The following ZNF827 variants were observed in gnomAD, a reference collection of about 807,000 sequenced individuals.
The protein encoded by ZNF827 is zinc finger protein 827.
In ZNF827, 13 loss-of-function variants were observed where a neutral mutation model predicts 102.4. The observed-to-expected ratio is 0.13, with a 90% CI of 0.08 to 0.20. ZNF827 has a LOEUF of 0.20. Ranked by LOEUF, ZNF827 falls within the 10% of genes least tolerant of loss-of-function variation. ZNF827 has a pLI of 1.00. For synonymous variants in ZNF827, 523 were observed against 536.2 expected (o/e 0.98, Z 0.34); for missense variants, 1,103 against 1,344.4 (o/e 0.82, Z 2.81).
At chr4:145,829,929 C>CGGTT (rs1185342693) in intron 7 of ZNF827, among the ~76,000 whole-genome samples, 1 of 152,198 alleles carries the variant, frequency 6.6e-6, no homozygotes, top group African/African-American at 2.4e-5. Flanking sequence ...CCTTGAGAAA[C>CGGTT]CCTCCAGGAG....
At chr4:145,837,870 T>TAC (rs756965624) in intron 7 of ZNF827, among the ~76,000 whole-genome samples, 1 of 151,750 alleles carries the variant, frequency 6.6e-6, no homozygotes, top group African/African-American at 2.4e-5. Flanking sequence ...TATCACCCCT[T>TAC]ACAAGACCTC....
intron 1 of ZNF827, among the ~76,000 whole-genome samples, chr4:145,925,354 C>T (rs1351305923): frequency 6.6e-6 from 1 of 152,150 alleles, no homozygotes; most frequent in East Asian, 1.9e-4. Context: ...CTTGAGGATG[C>T]TTTATATGTC....
chr4:145,889,489 G>C (rs1399113846), intron 3 of ZNF827, among the ~76,000 whole-genome samples: 5 of 151,626 alleles, frequency 3.3e-5, no homozygotes, highest in Admixed American at 1.3e-4. Flanking sequence ...GTGGAACTGA[G>C]ATTCTAACTA....
intron 1 of ZNF827, among the ~76,000 whole-genome samples, chr4:145,911,976 A>C (rs1280998436): frequency 6.6e-6 from 1 of 152,234 alleles, no homozygotes; most frequent in Non-Finnish European, 1.5e-5. Context: ...TTCATTTTAC[A>C]GACCAAAAAA....
At chr4:145,937,549 C>A (rs1383936496) in intron 1 of ZNF827, among the ~76,000 whole-genome samples, 1 of 147,276 alleles carries the variant, frequency 6.8e-6, no homozygotes, top group African/African-American at 2.4e-5. Context: ...CCCGGCCTCG[C>A]CCCCCGCCCG....
intron 1 of ZNF827, among the ~76,000 whole-genome samples, chr4:145,914,066 C>CACAA (rs1752492266): frequency 1.3e-5 from 2 of 150,948 alleles, no homozygotes; most frequent in Admixed American, 1.3e-4. Context: ...TTTGTAGACA[C>CACAA]ACACACACAC....
chr4:145,809,303 A>C (rs901237823), intron 8 of ZNF827, among the ~76,000 whole-genome samples: 1 of 152,256 alleles, frequency 6.6e-6, no homozygotes, highest in African/African-American at 2.4e-5. Flanking sequence ...AGATGATGAC[A>C]GTGAGAGAAG....
chr4:145,935,704 C>T (rs1754111818), intron 1 of ZNF827, among the ~76,000 whole-genome samples: 1 of 152,066 alleles, frequency 6.6e-6, no homozygotes, highest in Non-Finnish European at 1.5e-5. Flanking sequence ...AATCAGACAG[C>T]AAAGTAGGAG....
At chr4:145,809,976 G>T (rs766355578) in intron 8 of ZNF827, among the ~76,000 whole-genome samples, 1 of 152,170 alleles carries the variant, frequency 6.6e-6, no homozygotes, top group Non-Finnish European at 1.5e-5. Context: ...AATTGGTTTT[G>T]TCTGTGCAGC....
chr4:145,935,580 G>C (rs981642360), intron 1 of ZNF827, among the ~76,000 whole-genome samples: 1 of 152,192 alleles, frequency 6.6e-6, no homozygotes, highest in East Asian at 1.9e-4. Flanking sequence ...TTTCAAAACT[G>C]CAGGGACTTT....
chr4:145,881,667 G>T (rs1012264691), intron 4 of ZNF827, among the ~76,000 whole-genome samples: 2 of 152,112 alleles, frequency 1.3e-5, no homozygotes, highest in Admixed American at 1.3e-4. Flanking sequence ...CTTTTTAACT[G>T]GAGAAACTCC....
intron 1 of ZNF827, among the ~76,000 whole-genome samples, chr4:145,910,512 A>T (rs1411618262): frequency 1.3e-5 from 2 of 152,104 alleles, no homozygotes; most frequent in Non-Finnish European, 2.9e-5. Flanking sequence ...CCTTCAACAG[A>T]GGTACCAAAT....
intron 6 of ZNF827, among the ~76,000 whole-genome samples, chr4:145,846,476 TCAAA>T (rs1213121592): frequency 1.9e-3 from 265 of 142,684 alleles, no homozygotes; most frequent in African/African-American, 6.3e-3. Flanking sequence ...AGACTCTGTC[TCAAA>T]CAAACAAACA....
intron 5 of ZNF827, among the ~76,000 whole-genome samples, chr4:145,869,097 G>A (rs1449903437): frequency 6.6e-6 from 1 of 152,150 alleles, no homozygotes; most frequent in Non-Finnish European, 1.5e-5. Flanking sequence ...TAGGAAGACA[G>A]AGCTATGATA....
At chr4:145,822,017 C>T (rs1362038919) in intron 8 of ZNF827, among the ~76,000 whole-genome samples, 3 of 152,170 alleles carry the variant, frequency 2.0e-5, no homozygotes, top group African/African-American at 7.2e-5. Context: ...AATCCATCAA[C>T]TTAACAGCAG....
At position 145,845,919 on chromosome 4, in the gene ZNF827, C is replaced by T. The variant is rs377623112; in HGVS notation, c.2279+37G>A. On this transcript the variant is annotated intron_variant, in intron 7 of 14. Transcript: ENST00000508784. ...ATGTAGTACGGGCTGGTGGCCCACACGGGGTGTTCTGGAGGAACCCACACA... is the reference window on the plus strand; with the variant it reads ...ATGTAGTACGGGCTGGTGGCCCACATGGGGTGTTCTGGAGGAACCCACACA... 5.6e-6 allele frequency: 9 copies of T among 1,611,964 alleles called. No homozygotes were observed. In the East Asian group the frequency reaches 6.7e-5, roughly 12 times the overall value.
chr4:145,796,173 G>A (rs1382145986), intron 8 of ZNF827, among the ~76,000 whole-genome samples: 1 of 152,210 alleles, frequency 6.6e-6, no homozygotes, highest in Non-Finnish European at 1.5e-5. Flanking sequence ...GAACTACGGA[G>A]GGAAGAAACT....
intron 5 of ZNF827, among the ~76,000 whole-genome samples, chr4:145,851,577 G>A (rs1746539554): frequency 6.6e-6 from 1 of 152,192 alleles, no homozygotes; most frequent in African/African-American, 2.4e-5. Context: ...AAGATCTTAT[G>A]TAAGAAGAGT....
rs368655428 is a variant in ZNF827, at chr4:145,892,228, C to G, written c.1266+15G>C. ...TGCCTGCCTCTCCAGGAGGTGCAGTCGGTAGGTGGCTTACCTTCATGTGGG... is the reference window on the plus strand; with the variant it reads ...TGCCTGCCTCTCCAGGAGGTGCAGTGGGTAGGTGGCTTACCTTCATGTGGG... On this transcript the variant is annotated intron_variant, in intron 3 of 14. Transcript: ENST00000508784. The G allele has an allele frequency of 1.3e-6, 2 of 1,594,506 alleles. No individual in the cohort carries two copies. Among genetic ancestry groups the G allele is most frequent in the African/African-American group, 2.7e-5 (2 of 74,668 alleles).
Sources: gnomAD v4.1 joint callset for allele counts (sites outside exome capture counted in the v4.1 genomes callset) on GRCh38, gnomAD v4.1.1 for gene constraint, MANE v1.5 for transcripts, NCBI Gene and HGNC (gene_info 2026-07-23, HGNC 2026-07-21) for gene names.